The following TSPAN18 variants were observed in gnomAD, a reference collection of about 807,000 sequenced individuals.
TSPAN18 encodes the protein tetraspanin 18.
In TSPAN18, 14 loss-of-function variants were observed where a neutral mutation model predicts 27.3. That is an observed-to-expected ratio of 0.51 (90% CI 0.34 to 0.80). TSPAN18 has a LOEUF of 0.80. Among genes scored for constraint, TSPAN18 ranks in the 30% least tolerant of loss-of-function variants. The probability of loss-of-function intolerance (pLI) is 0.01; values close to 1 mark genes in which losing one functional copy is unlikely to be tolerated. For missense variants in TSPAN18, 268 were observed against 323.9 expected, an observed-to-expected ratio of 0.83 and a Z score of 1.32; for synonymous variants, 143 against 136.5, an observed-to-expected ratio of 1.05 and a Z score of -0.33.
intron 2 of TSPAN18, among the ~76,000 whole-genome samples, chr11:44,856,025 A>C (rs1401363728): frequency 6.6e-6 from 1 of 151,734 alleles, no homozygotes; most frequent in Non-Finnish European, 1.5e-5. Context: ...TGGGACTACC[A>C]GTTGTGTACC....
intron 1 of TSPAN18, among the ~76,000 whole-genome samples, chr11:44,731,122 G>A (rs932722575): frequency 1.3e-5 from 2 of 152,208 alleles, no homozygotes; most frequent in Non-Finnish European, 2.9e-5. Context: ...TGGTGGGCAA[G>A]TGTGTACAAA....
chr11:44,753,826 T>A (rs530936325), intron 1 of TSPAN18, among the ~76,000 whole-genome samples: 1 of 152,268 alleles, frequency 6.6e-6, no homozygotes, highest in South Asian at 2.1e-4. Context: ...TCAAAGCAGC[T>A]CCCACCTCTC....
chr11:44,825,303 A>T lies in TSPAN18; in HGVS notation c.-152-35025A>T, dbSNP rs149795861. ...TGTGAGAGCTTTTGCAGATCACCTC[A>T]GCGCAGCCAAGAACGGAGGGCTGAC... On this transcript the variant is annotated intron_variant, in intron 2 of 9. Transcript: ENST00000520358. 1.4e-4 allele frequency among the ~76,000 whole-genome samples: 21 copies of T among 152,366 alleles called. No individual in the cohort carries two copies. In the East Asian group the frequency reaches 3.3e-3, roughly 24 times the overall value.
At chr11:44,827,337 T>C (rs956377488) in intron 2 of TSPAN18, among the ~76,000 whole-genome samples, 1 of 152,248 alleles carries the variant, frequency 6.6e-6, no homozygotes, top group African/African-American at 2.4e-5. Context: ...CTTGGGTACC[T>C]TGAGCCATAG....
chr11:44,833,143 G>A (rs917317397), intron 2 of TSPAN18, among the ~76,000 whole-genome samples: 16 of 151,496 alleles, frequency 1.1e-4, no homozygotes, highest in South Asian at 2.1e-4. Flanking sequence ...CATTTATCTC[G>A]GTGCCTGGCT....
At chr11:44,790,300 T>TGTGTGCATGTGTTTGTGCATGC (rs1856171716) in intron 2 of TSPAN18, among the ~76,000 whole-genome samples, 1 of 151,680 alleles carries the variant, frequency 6.6e-6, no homozygotes, top group African/African-American at 2.4e-5. Context: ...TGTGCATGTG[T>TGTGTGCATGTGTTTGTGCATGC]GTGTGCATGT....
chr11:44,795,846 G>A (rs1046775962), intron 2 of TSPAN18, among the ~76,000 whole-genome samples: 3 of 152,046 alleles, frequency 2.0e-5, no homozygotes, highest in African/African-American at 7.2e-5. Flanking sequence ...CTGGCACCAA[G>A]GACCTTTGGA....
At chr11:44,787,066 C>A (rs1856075956) in intron 2 of TSPAN18, among the ~76,000 whole-genome samples, 3 of 152,256 alleles carry the variant, frequency 2.0e-5, no homozygotes, top group Middle Eastern at 6.8e-3. Flanking sequence ...TGCTTGTGGG[C>A]TGGGGACAAG....
chr11:44,889,045 C>T (rs553685100), intron 3 of TSPAN18, among the ~76,000 whole-genome samples: 22 of 152,226 alleles, frequency 1.4e-4, no homozygotes, highest in Non-Finnish European at 2.6e-4. Context: ...TCTCCTGCCA[C>T]CCAGTGAAGA....
chr11:44,884,479 C>T (rs1201048045), intron 3 of TSPAN18, among the ~76,000 whole-genome samples: 2 of 152,206 alleles, frequency 1.3e-5, no homozygotes, highest in Non-Finnish European at 2.9e-5. Context: ...GCGATCAGCT[C>T]GACTTCCTCC....
Position 44,909,747 on chromosome 11 carries a change from G to C in TSPAN18, c.106G>C (p.Val36Leu), listed in dbSNP as rs1199435097. The C allele has an allele frequency of 6.2e-7, 1 of 1,613,220 alleles. No homozygotes were observed. Among genetic ancestry groups the C allele is most frequent in the Non-Finnish European group, 8.5e-7 (1 of 1,179,970 alleles). The change falls in exon 5 of 10, where the codon GTG (valine) becomes CTG (leucine). Residue 36 changes from valine to leucine, a missense_variant. Val to Leu is a conservative substitution (Grantham distance 32). Transcript: ENST00000520358. ...GCTGGCCATCGGCATCTGGGTCATG[G>C]TGGACCCCACCGGCTTCCGGGAGAT... ...CLLAIGIWVM[V>L]DPTGFREIVA... is the part of the protein sequence containing the mutation.
chr11:44,735,508 G>C (rs561107548), intron 1 of TSPAN18, among the ~76,000 whole-genome samples: 1 of 152,222 alleles, frequency 6.6e-6, no homozygotes, highest in South Asian at 2.1e-4. Flanking sequence ...GTGTTCTTTG[G>C]CTGGTAAATG....
chr11:44,883,202 G>A (rs1035580247), intron 3 of TSPAN18, among the ~76,000 whole-genome samples: 2 of 152,204 alleles, frequency 1.3e-5, no homozygotes, highest in African/African-American at 4.8e-5. Context: ...TCTTAGCTCT[G>A]CAAGCCACGG....
chr11:44,728,576 A>T (rs575591143), intron 1 of TSPAN18, among the ~76,000 whole-genome samples: 1 of 152,200 alleles, frequency 6.6e-6, no homozygotes, highest in Non-Finnish European at 1.5e-5. Flanking sequence ...TCCAGGCAGA[A>T]GTGTTAAATT....
intron 2 of TSPAN18, among the ~76,000 whole-genome samples, chr11:44,795,966 T>A (rs746575894): frequency 7.9e-5 from 12 of 152,104 alleles, no homozygotes; most frequent in Non-Finnish European, 1.5e-4. Context: ...GTCCCAAACC[T>A]CAGGGGTGAG....
chr11:44,918,102 C>A, intron 6 of TSPAN18, 56 bp downstream of exon 6: 2 of 1,567,170 alleles, frequency 1.3e-6, no homozygotes, highest in Non-Finnish European at 1.8e-6. Context: ...GGGTTGGTGG[C>A]CATTCAGGTC....
At chr11:44,740,459 C>A (rs112128593) in intron 1 of TSPAN18, among the ~76,000 whole-genome samples, 8,628 of 152,190 alleles carry the variant, frequency 0.057, 614 homozygotes, top group African/African-American at 0.17. Context: ...CAGGGCCAGC[C>A]AGGGGCATGG....
chr11:44,788,456 CTT>C (rs11458938), intron 2 of TSPAN18, among the ~76,000 whole-genome samples: 26 of 126,760 alleles, frequency 2.1e-4, no homozygotes, highest in Admixed American at 6.6e-4. Flanking sequence ...CTTTTTTTCT[CTT>C]TTTTTTTTTT....
chr11:44,912,884 C>A (rs11820088), intron 5 of TSPAN18, among the ~76,000 whole-genome samples: 2 of 29,478 alleles, frequency 6.8e-5, no homozygotes, highest in Non-Finnish European at 1.2e-4. Flanking sequence ...GCACATGTGC[C>A]TGTGTGTGCA....
Sources: allele counts gnomAD v4.1 joint callset (sites outside exome capture counted in the v4.1 genomes callset), GRCh38; gene constraint gnomAD v4.1.1; transcripts MANE v1.5; gene names NCBI Gene and HGNC (gene_info 2026-07-23, HGNC 2026-07-21).